SLIT3: variants seen among roughly 807,000 people sequenced by gnomAD.
The protein encoded by SLIT3 is slit homolog 3 protein.
Under a neutral mutation model 184.0 loss-of-function variants are expected in SLIT3, and 68 were observed. That is an observed-to-expected ratio of 0.37 (90% CI 0.30 to 0.45). The LOEUF (loss-of-function observed/expected upper bound fraction) is 0.45. Ranked by LOEUF, SLIT3 falls within the 20% of genes least tolerant of loss-of-function variation. The probability of loss-of-function intolerance (pLI) is 1.00; values close to 1 mark genes in which losing one functional copy is unlikely to be tolerated. For missense variants in SLIT3, 1,707 were observed against 2,026.0 expected (o/e 0.84, Z 3.02); for synonymous variants, 831 against 828.6 (o/e 1.00, Z -0.05).
chr5:168,670,747 C>G (rs1209901640), intron 34 of SLIT3, among the ~76,000 whole-genome samples: 1 of 152,140 alleles, frequency 6.6e-6, no homozygotes, highest in Admixed American at 6.5e-5. Flanking sequence ...AGTACTGGAT[C>G]TCCTATATTT....
intron 1 of SLIT3, among the ~76,000 whole-genome samples, chr5:169,284,177 A>G (rs748494264): frequency 5.3e-5 from 8 of 152,378 alleles, no homozygotes; most frequent in Middle Eastern, 3.4e-3. Flanking sequence ...TGAGGAAAGA[A>G]AATGTGAACC....
At chr5:168,968,156 C>A (rs913901549) in intron 4 of SLIT3, among the ~76,000 whole-genome samples, 1 of 152,216 alleles carries the variant, frequency 6.6e-6, no homozygotes, top group Non-Finnish European at 1.5e-5. Flanking sequence ...GTCATCTCCC[C>A]CTCTGCTTTC....
At chr5:169,142,924 TA>T (rs1202487825) in intron 4 of SLIT3, among the ~76,000 whole-genome samples, 8 of 152,206 alleles carry the variant, frequency 5.3e-5, no homozygotes, top group African/African-American at 1.9e-4. Flanking sequence ...GGTTGGTCAG[TA>T]ATAAAAGAAT....
chr5:169,110,835 C>T (rs1015583598), intron 4 of SLIT3, among the ~76,000 whole-genome samples: 2 of 152,194 alleles, frequency 1.3e-5, no homozygotes, highest in South Asian at 4.1e-4. Flanking sequence ...GCCAACTGTC[C>T]ACTTCCCAGA....
chr5:169,067,666 A>T (rs1758406814), intron 4 of SLIT3, among the ~76,000 whole-genome samples: 1 of 152,138 alleles, frequency 6.6e-6, no homozygotes, highest in African/African-American at 2.4e-5. Flanking sequence ...ACTTGGGGAG[A>T]TATTCCAGTT....
chr5:168,787,691 A>C (rs1008851762), intron 11 of SLIT3, among the ~76,000 whole-genome samples: 2 of 152,010 alleles, frequency 1.3e-5, no homozygotes, highest in African/African-American at 4.8e-5. Context: ...AGGCCCCATG[A>C]GTGTAGTAAC....
intron 4 of SLIT3, among the ~76,000 whole-genome samples, chr5:169,089,062 C>A (rs1449790372): frequency 1.1e-5 from 1 of 90,030 alleles, no homozygotes; most frequent in Non-Finnish European, 2.2e-5. Flanking sequence ...AAAAGAAGTG[C>A]TGACTCTGAT....
chr5:169,223,842 T>TCTGTCTTC (rs1764698967), intron 3 of SLIT3, among the ~76,000 whole-genome samples: 2 of 152,160 alleles, frequency 1.3e-5, no homozygotes, highest in Non-Finnish European at 2.9e-5. Flanking sequence ...TGCCTGTGAA[T>TCTGTCTTC]CTGTCTTCCG....
chr5:169,139,707 G>A (rs1184776942), intron 4 of SLIT3, among the ~76,000 whole-genome samples: 1 of 152,192 alleles, frequency 6.6e-6, no homozygotes, highest in East Asian at 1.9e-4. Context: ...GGGAACACGA[G>A]GTGCTGACAA....
At chr5:168,773,952 T>C (rs1755652764) in intron 13 of SLIT3, among the ~76,000 whole-genome samples, 1 of 152,164 alleles carries the variant, frequency 6.6e-6, no homozygotes. Flanking sequence ...ATTCTATGCC[T>C]TGGTTTCCTT....
intron 4 of SLIT3, among the ~76,000 whole-genome samples, chr5:168,920,039 G>A (rs1042913421): frequency 1.3e-5 from 2 of 152,124 alleles, no homozygotes; most frequent in East Asian, 1.9e-4. Flanking sequence ...TTTCTACTAC[G>A]TGGAAGTGAG....
At chr5:168,779,207 C>T (rs1009637035) in intron 12 of SLIT3, among the ~76,000 whole-genome samples, 1 of 152,178 alleles carries the variant, frequency 6.6e-6, no homozygotes, top group African/African-American at 2.4e-5. Flanking sequence ...AGTATTTGGA[C>T]TCACGACATC....
At chr5:168,825,280 T>C (rs1430678057) in intron 6 of SLIT3, among the ~76,000 whole-genome samples, 1 of 152,140 alleles carries the variant, frequency 6.6e-6, no homozygotes, top group Non-Finnish European at 1.5e-5. Context: ...GCCCCCCATA[T>C]TCTCCATCCT....
At chr5:168,959,583 C>T (rs1762940763) in intron 4 of SLIT3, among the ~76,000 whole-genome samples, 1 of 152,194 alleles carries the variant, frequency 6.6e-6, no homozygotes, top group African/African-American at 2.4e-5. Flanking sequence ...GGCCCCGCCT[C>T]CAGGCTGCCT....
At chr5:168,806,081 T>C (rs1318351417) in intron 9 of SLIT3, among the ~76,000 whole-genome samples, 2 of 152,146 alleles carry the variant, frequency 1.3e-5, no homozygotes, top group Non-Finnish European at 2.9e-5. Context: ...AGAGAGAACA[T>C]ACTTTTTAGG....
At chr5:168,996,752 TG>T (rs1755522946) in intron 4 of SLIT3, among the ~76,000 whole-genome samples, 1 of 152,054 alleles carries the variant, frequency 6.6e-6, no homozygotes, top group Admixed American at 6.6e-5. Context: ...CCAATCCCCA[TG>T]TGAGGTGATA....
At chr5:168,958,772 G>C (rs1282654371) in intron 4 of SLIT3, among the ~76,000 whole-genome samples, 1 of 152,234 alleles carries the variant, frequency 6.6e-6, no homozygotes, top group African/African-American at 2.4e-5. Flanking sequence ...GTGTGCTGTG[G>C]TGGAAGAAGG....
chr5:168,908,073 G>C (rs995753683), intron 4 of SLIT3, among the ~76,000 whole-genome samples: 1 of 150,658 alleles, frequency 6.6e-6, no homozygotes, highest in African/African-American at 2.4e-5. Context: ...GTACACAGGA[G>C]AGGCAAGGAG....
At chr5:168,838,697 G>C (rs1018338363) in intron 6 of SLIT3, among the ~76,000 whole-genome samples, 2 of 152,090 alleles carry the variant, frequency 1.3e-5, no homozygotes, top group African/African-American at 4.8e-5. Context: ...CCCTGACCTA[G>C]GTTTCAGGAC....
Sources: gnomAD v4.1 joint callset for allele counts (sites outside exome capture counted in the v4.1 genomes callset) on GRCh38, gnomAD v4.1.1 for gene constraint, MANE v1.5 for transcripts, NCBI Gene and HGNC (gene_info 2026-07-23, HGNC 2026-07-21) for gene names.